The following SUV39H1 variants were observed in gnomAD, a reference collection of about 807,000 sequenced individuals.
SUV39H1 encodes the protein SUV39H1 histone lysine methyltransferase.
For synonymous variants in SUV39H1, 141 were observed against 150.5 expected, an observed-to-expected ratio of 0.94 and a Z score of 0.46; for missense variants, 180 against 386.3, an observed-to-expected ratio of 0.47 and a Z score of 4.48.
At chrX:48,701,379 G>A (rs1322211545) in intron 3 of SUV39H1, among the ~76,000 whole-genome samples, 1 of 112,310 alleles carries the variant, frequency 8.9e-6, no homozygotes, top group Non-Finnish European at 1.9e-5. Flanking sequence ...GGGGGTTTGA[G>A]TGGGTATCCT....
rs150428303 is a variant in SUV39H1, at chrX:48,708,349, G to A, written c.*779G>A. 1.8e-3 allele frequency: 206 copies of A among 113,228 alleles called. No homozygotes were observed. Among genetic ancestry groups the A allele is most frequent in the Non-Finnish European group, 3.2e-3 (172 of 53,808 alleles). 9.3% of individuals were successfully genotyped at this position (113,228 alleles called of 1,213,427 possible). On this transcript the variant is annotated 3_prime_UTR_variant, in exon 6 of 6. Coordinates refer to ENST00000376687, the MANE Select transcript of SUV39H1 (RefSeq NM_003173.4). ...TACCTAGGGCTCTTGGGAGCTCTGC[G>A]GTTGCTAGGGGCCCTGACCTGGGGT...
chrX:48,699,370 G>A (rs1411741900), intron 2 of SUV39H1, among the ~76,000 whole-genome samples: 1 of 111,303 alleles, frequency 9.0e-6, no homozygotes, highest in Non-Finnish European at 1.9e-5. Context: ...AGTGTGCCAG[G>A]CGTTTCCTCT....
At position 48,708,338 on chromosome X, in the gene SUV39H1, G is replaced by A. The variant is rs2062498353; in HGVS notation, c.*768G>A. ...TGCAGTGAAGGTACCTAGGGCTCTT[G>A]GGAGCTCTGCGGTTGCTAGGGGCCC... On this transcript the variant is annotated 3_prime_UTR_variant, in exon 6 of 6. Transcript: ENST00000376687. 1 of 113,396 alleles carries A rather than the reference G, an allele frequency of 8.8e-6. No individual in the cohort carries two copies. Among genetic ancestry groups the A allele is most frequent in the Non-Finnish European group, 1.9e-5 (1 of 53,909 alleles). 9.3% of individuals were successfully genotyped at this position (113,396 alleles called of 1,213,427 possible).
upstream of SUV39H1, chrX:48,695,747 C>T: frequency 1.7e-6 from 2 of 1,152,738 alleles, no homozygotes; most frequent in Non-Finnish European, 2.3e-6. Context: ...GACTCGATGG[C>T]TGTACGTGGT....
chrX:48,705,613 G>C (rs1169192303), intron 3 of SUV39H1, among the ~76,000 whole-genome samples: 1 of 112,486 alleles, frequency 8.9e-6, no homozygotes, highest in African/African-American at 3.2e-5. Context: ...GGCCGAGGGA[G>C]AGCTTCTCTC....
chrX:48,698,840 C>G, intron 1 of SUV39H1, 62 bp from the exon 2 acceptor site: 1 of 1,162,068 alleles, frequency 8.6e-7, no homozygotes, highest in Non-Finnish European at 1.2e-6. Context: ...TTTGGGGTCC[C>G]CTTTGACTCC....
At position 48,700,573 on chromosome X, in the gene SUV39H1, G is replaced by A. The variant is rs2062471385; in HGVS notation, c.648G>A (p.Gly216=). The A allele has an allele frequency of 2.5e-6, 3 of 1,212,438 alleles. No individual in the cohort carries two copies. The highest frequency in any genetic ancestry group is 2.2e-6 in the Non-Finnish European group (2 of 895,610). Residue 216 remains glycine (G), a synonymous_variant, in exon 3 of 6, where the codon GGG becomes GGA. Transcript: ENST00000376687. ...AGGGCCAGGTGCGGCTTCGAGCCGG[G>A]CTGCCCATCTACGAGTGCAACTCCC... is the stretch of plus-strand genomic sequence containing the variant. The part of the protein sequence containing the change: ...NDQGQVRLRA[G]LPIYECNSRC...
At position 48,706,424 on chromosome X, in the gene SUV39H1, G is replaced by C. The variant is rs202042569; in HGVS notation, c.975+13G>C. The stretch of plus-strand genomic sequence containing the variant: ...TGTCAACCACAGTGTGGGTACCCCC[G>C]GCAGGCGGGCAAGGGGTCGAGAGGG... On this transcript the variant is annotated intron_variant, in intron 4 of 5. Transcript: ENST00000376687. 240 of 1,204,732 alleles carry C rather than the reference G, an allele frequency of 2.0e-4. No individual in the cohort carries two copies. Among genetic ancestry groups the C allele is most frequent in the Non-Finnish European group, 1.5e-4 (131 of 892,080 alleles).
chrX:48,695,679 G>A, upstream of SUV39H1: 2 of 1,123,688 alleles, frequency 1.8e-6, no homozygotes, highest in Non-Finnish European at 1.2e-6. Flanking sequence ...ATGTGATGAG[G>A]GGCGGATTGA....
At chrX:48,697,076 C>G (rs782740047) in intron 1 of SUV39H1, among the ~76,000 whole-genome samples, 1 of 109,277 alleles carries the variant, frequency 9.2e-6, no homozygotes, top group African/African-American at 3.3e-5. Flanking sequence ...CGGACCGGCG[C>G]GCGCACGCGC....
upstream of SUV39H1, chrX:48,696,501 G>C: frequency 3.6e-6 from 1 of 279,999 alleles, no homozygotes; most frequent in African/African-American, 2.9e-5. Context: ...CAGTGTGACA[G>C]ACAGACCAGC....
In SUV39H1 at chrX:48,699,002, C is replaced by T; in HGVS notation, c.120C>T (p.Leu40=). 8.3e-7 allele frequency: 1 copy of T among 1,210,889 alleles called. No individual in the cohort carries two copies. Among genetic ancestry groups the T allele is most frequent in the Non-Finnish European group, 1.1e-6 (1 of 895,084 alleles). ...CPALGISKRN[L]YDFEVEYLCD... ...CCCTCGGTATCTCTAAGAGGAACCT[C>T]TATGACTTTGAAGTCGAGTACCTGT... The change falls in exon 2 of 6, where the codon CTC becomes CTT. Residue 40 remains leucine, a synonymous_variant. Transcript: ENST00000376687.
In SUV39H1 at chrX:48,707,686, C is replaced by T; in HGVS notation, c.*116C>T. 1 of 937,008 alleles carries T rather than the reference C, an allele frequency of 1.1e-6. No homozygotes were observed. The highest frequency in any genetic ancestry group is 1.5e-6 in the Non-Finnish European group (1 of 662,465). The allele number at this position is 937,008 out of a possible 1,213,427, so 77.2% of individuals were successfully genotyped here. ...GGGCCTCGCCTGCCTCCACCTGCCCCCACCTGCTCCTACCTGCTCTACGTT... is the reference window on the plus strand; with the variant it reads ...GGGCCTCGCCTGCCTCCACCTGCCCTCACCTGCTCCTACCTGCTCTACGTT... On this transcript the variant is annotated 3_prime_UTR_variant, in exon 6 of 6. Transcript: ENST00000376687.
At chrX:48,698,726 G>A (rs2062464475) in intron 1 of SUV39H1, among the ~76,000 whole-genome samples, 176 bp from the exon 2 acceptor site, 1 of 111,778 alleles carries the variant, frequency 8.9e-6, no homozygotes, top group South Asian at 3.7e-4. Context: ...TGAGTATTGG[G>A]GTTCAAAGCA....
At chrX:48,701,365 T>G (rs1365456886) in intron 3 of SUV39H1, among the ~76,000 whole-genome samples, 2 of 112,109 alleles carry the variant, frequency 1.8e-5, no homozygotes, top group African/African-American at 6.5e-5. Flanking sequence ...GAACAGTCCA[T>G]TGTGGGGGTT....
upstream of SUV39H1, among the ~76,000 whole-genome samples, chrX:48,696,309 C>T (rs1440847340): frequency 8.9e-6 from 1 of 112,200 alleles, no homozygotes; most frequent in African/African-American, 3.2e-5. Flanking sequence ...GGATGGGGGC[C>T]GGGAGTCTGA....
chrX:48,707,289 T>C (rs2062494303), intron 5 of SUV39H1, 148 bp from the exon 6 acceptor site: 1 of 558,101 alleles, frequency 1.8e-6, no homozygotes, highest in Admixed American at 3.6e-5. Flanking sequence ...CCAAAGATCC[T>C]TGGTCTCATG....
intron 5 of SUV39H1, 53 bp from the exon 6 acceptor site, chrX:48,707,384 C>A: frequency 8.8e-7 from 1 of 1,136,633 alleles, no homozygotes; most frequent in Non-Finnish European, 1.2e-6. Flanking sequence ...CCTCCTTCTC[C>A]CCCTCCCTCC....
rs1557010405 is a variant in SUV39H1 at position 48,707,799 on chromosome X, C to T, written c.*229C>T. 1 of 490,296 alleles carries T rather than the reference C, an allele frequency of 2.0e-6. No individual in the cohort carries two copies. The highest frequency in any genetic ancestry group is 3.9e-5 in the East Asian group (1 of 25,414). The allele number at this position is 490,296 out of a possible 1,213,427, so 40.4% of individuals were successfully genotyped here. ...TGTGGGTTGCACTTACAAACCCCCA[C>T]CCACCTTCAGAAATAGTTTTTCAAC... On this transcript the variant is annotated 3_prime_UTR_variant, in exon 6 of 6. Coordinates refer to ENST00000376687, the MANE Select transcript of SUV39H1 (RefSeq NM_003173.4).
Sources: gnomAD v4.1 joint callset for allele counts (sites outside exome capture counted in the v4.1 genomes callset) on GRCh38, gnomAD v4.1.1 for gene constraint, MANE v1.5 for transcripts, NCBI Gene and HGNC (gene_info 2026-07-23, HGNC 2026-07-21) for gene names.